Variants in ITGB4 observed in about 807,000 individuals in gnomAD.
ITGB4 encodes the protein integrin beta-4.
In ITGB4, 159 loss-of-function variants were observed where a neutral mutation model predicts 207.6. The observed-to-expected ratio is 0.77, with a 90% CI of 0.67 to 0.87. The LOEUF is 0.87. Ranked by LOEUF, ITGB4 falls within the 40% of genes least tolerant of loss-of-function variation. The pLI, the probability that ITGB4 is intolerant of heterozygous loss-of-function variation, is 0.00. For missense variants in ITGB4, 2,278 were observed against 2,546.8 expected (o/e 0.89, Z 2.27); for synonymous variants, 1,020 against 1,062.7 (o/e 0.96, Z 0.78).
chr17:75,747,859 G>A (rs2061267054), intron 26 of ITGB4, among the ~76,000 whole-genome samples: 1 of 152,160 alleles, frequency 6.6e-6, no homozygotes, highest in African/African-American at 2.4e-5. Context: ...TTGCTTGCAG[G>A]CAGCTCCCTG....
chr17:75,743,458 C>T (rs1457960646), intron 25 of ITGB4, among the ~76,000 whole-genome samples: 2 of 152,220 alleles, frequency 1.3e-5, no homozygotes, highest in East Asian at 3.8e-4. Context: ...GTCTCGAACT[C>T]CTGACCTCAG....
chr17:75,748,529 G>A (rs535089758), intron 26 of ITGB4, among the ~76,000 whole-genome samples: 263 of 151,906 alleles, frequency 1.7e-3, no homozygotes, highest in Non-Finnish European at 3.3e-3. Flanking sequence ...AATTAGCTAG[G>A]CGTGGTGGCA....
At chr17:75,730,051 G>C (rs1222750134) in intron 7 of ITGB4, among the ~76,000 whole-genome samples, 190 bp from the exon 8 acceptor site, 2 of 152,250 alleles carry the variant, frequency 1.3e-5, no homozygotes, top group Non-Finnish European at 2.9e-5. Context: ...CGCATCTCCA[G>C]CTCCTGTTTC....
rs1306378435 is a variant in ITGB4 at position 75,740,663 on chromosome 17, C to G, written c.2551-130C>G. On this transcript the variant is annotated intron_variant, in intron 21 of 39. Transcript: ENST00000200181. This position sits in a 1 kb window ranked among gnomAD's most constrained non-coding sequence, Gnocchi z 5.9. Reference sequence around the variant, plus strand: ...AGAGCCTGGGCCCAGGATGCTGCCCCACGGGGCATGCCCCAGCCAACCCTG... The same window carrying G: ...AGAGCCTGGGCCCAGGATGCTGCCCGACGGGGCATGCCCCAGCCAACCCTG... 4 of 1,134,070 alleles carry G rather than the reference C, an allele frequency of 3.5e-6. No individual in the cohort carries two copies. The highest frequency in any genetic ancestry group is 2.5e-5 in the South Asian group (2 of 79,162). The allele number at this position is 1,134,070 out of a possible 1,614,324, so 70.3% of individuals were successfully genotyped here.
At chr17:75,748,715 T>C in intron 26 of ITGB4, 126 bp from the exon 27 acceptor site, 1 of 686,184 alleles carries the variant, frequency 1.5e-6, no homozygotes, top group Non-Finnish European at 2.4e-6. Flanking sequence ...GAACCTCGTG[T>C]AAGTACTCCA....
intron 25 of ITGB4, among the ~76,000 whole-genome samples, chr17:75,743,053 G>A (rs987544529): frequency 1.1e-4 from 16 of 152,072 alleles, no homozygotes; most frequent in Non-Finnish European, 2.2e-4. Context: ...GGTTGGCCAA[G>A]GCATCACACC....
chr17:75,736,784 T>G (rs2060988534), intron 16 of ITGB4, 90 bp downstream of exon 16: 1 of 1,430,414 alleles, frequency 7.0e-7, no homozygotes, highest in Non-Finnish European at 9.6e-7. Context: ...GACGGGGGCT[T>G]GCAGTCTGGG....
At chr17:75,744,115 CTTTTTTTTTTT>C (rs759492811) in intron 26 of ITGB4, among the ~76,000 whole-genome samples, 6 of 110,944 alleles carry the variant, frequency 5.4e-5, no homozygotes, top group Admixed American at 1.9e-4. Context: ...AGGGCTCGCT[CTTTTTTTTTTT>C]TTTTTTTTTT....
chr17:75,734,129 T>G (rs1343621772), intron 13 of ITGB4, among the ~76,000 whole-genome samples: 2 of 66,402 alleles, frequency 3.0e-5, no homozygotes, highest in Non-Finnish European at 6.6e-5. Context: ...TTGCTGCTGT[T>G]TTTTTTTTTT....
rs956729797 is a variant in ITGB4 at position 75,740,138 on chromosome 17, A to G, written c.2446+67A>G. ...TCGGGCCCTCTGTTCCAGATCTGGG[A>G]TCACAGCATGCCTCTTCTCTGGGTG... is the stretch of plus-strand genomic sequence containing the variant. On this transcript the variant is annotated intron_variant, in intron 20 of 39. Transcript: ENST00000200181. The surrounding 1 kb of genome is among the most constrained non-coding windows in gnomAD (Gnocchi z 5.9). 1 of 1,497,896 alleles carries G rather than the reference A, an allele frequency of 6.7e-7. No individual in the cohort carries two copies. Among genetic ancestry groups the G allele is most frequent in the Non-Finnish European group, 9.0e-7 (1 of 1,105,422 alleles). 92.8% of individuals were successfully genotyped at this position (1,497,896 alleles called of 1,614,324 possible). A position where few individuals can be genotyped will look rare whatever the true frequency, so the allele number is the denominator to read the frequency against.
chr17:75,754,977 CACAG>C lies in ITGB4; in HGVS notation c.4558+166_4558+169del, dbSNP rs1007143069. 2.8e-5 allele frequency: 43 copies of C among 1,530,378 alleles called. No homozygotes were observed. In the Middle Eastern group the frequency reaches 1.7e-3, roughly 60 times the overall value. The allele number at this position is 1,530,378 out of a possible 1,614,324, so 94.8% of individuals were successfully genotyped here. On this transcript the variant is annotated intron_variant, in intron 34 of 39. Coordinates refer to ENST00000200181, the MANE Select transcript of ITGB4 (RefSeq NM_000213.5). ...ACGTGCACACGCATGCACACATGTA[CACAG>C]ACATGCATGCGCACACGTACACACA...
Position 75,742,724 on chromosome 17 carries a change from CCGCCGCCT to C in ITGB4, c.2926_2933del (p.Arg976GlyfsTer17). On this transcript the variant is annotated frameshift_variant, in exon 25 of 40. Coordinates refer to ENST00000200181, the MANE Select transcript of ITGB4 (RefSeq NM_000213.5). LOFTEE classifies it high-confidence loss of function. This position sits in a 1 kb window ranked among gnomAD's most constrained non-coding sequence, Gnocchi z 5.9. ...TGCCCGCAGGCACTGCCACCCTCGG[CCGCCGCCT>C]GGTAAACATCACCATCATCAAGGAG... is the stretch of plus-strand genomic sequence containing the variant. 1 of 1,612,848 alleles carries C rather than the reference CCGCCGCCT, an allele frequency of 6.2e-7. No homozygotes were observed. The highest frequency in any genetic ancestry group is 8.5e-7 in the Non-Finnish European group (1 of 1,180,012).
intron 26 of ITGB4, among the ~76,000 whole-genome samples, chr17:75,746,058 C>T (rs2061225979): frequency 1.3e-5 from 2 of 152,008 alleles, no homozygotes; most frequent in Admixed American, 1.3e-4. Context: ...TCCAATGTCC[C>T]CCCATAAAAA....
At chr17:75,748,135 C>T (rs1051874004) in intron 26 of ITGB4, among the ~76,000 whole-genome samples, 16 of 129,270 alleles carry the variant, frequency 1.2e-4, no homozygotes, top group Non-Finnish European at 2.4e-4. Flanking sequence ...CCAAGGTGGG[C>T]GGATCGCTTG....
chr17:75,754,709 A>G lies in ITGB4; in HGVS notation c.4452A>G (p.Thr1484=), dbSNP rs2061446877. 6.2e-7 allele frequency: 1 copy of G among 1,613,970 alleles called. No individual in the cohort carries two copies. The highest frequency in any genetic ancestry group is 1.3e-5 in the African/African-American group (1 of 74,912). Residue 1484 remains threonine, a synonymous_variant, in exon 34 of 40, where the codon ACA becomes ACG. Coordinates refer to ENST00000200181, the MANE Select transcript of ITGB4 (RefSeq NM_000213.5). Reference sequence around the variant, plus strand: ...ACGTGCCCCACCGCGTGCTAAGCACATCCTCCACCCTCACACGGGACTACA... The same window carrying G: ...ACGTGCCCCACCGCGTGCTAAGCACGTCCTCCACCCTCACACGGGACTACA... ...SPHVPHRVLS[T]SSTLTRDYNS...
chr17:75,740,231 G>A lies in ITGB4; in HGVS notation c.2447-127G>A, dbSNP rs2290458. 1.5e-5 allele frequency: 18 copies of A among 1,205,222 alleles called. No homozygotes were observed. The highest frequency in any genetic ancestry group is 2.0e-5 in the Admixed American group (1 of 50,160). 74.7% of individuals were successfully genotyped at this position (1,205,222 alleles called of 1,614,324 possible). A position where few individuals can be genotyped will look rare whatever the true frequency, so the allele number is the denominator to read the frequency against. On this transcript the variant is annotated intron_variant, in intron 20 of 39. Transcript: ENST00000200181. The surrounding 1 kb of genome is among the most constrained non-coding windows in gnomAD (Gnocchi z 5.9). ...GATGGTGCTATGAACCTCATGCCTC[G>A]GTGTGCGTGGCCTGCTGGCCAGGCA... is the stretch of plus-strand genomic sequence containing the variant.
At chr17:75,724,325 A>G (rs538619230) in intron 1 of ITGB4, among the ~76,000 whole-genome samples, 1 of 152,304 alleles carries the variant, frequency 6.6e-6, no homozygotes, top group South Asian at 2.1e-4. Flanking sequence ...TCATTGGATG[A>G]CCCTGTCATG....
In ITGB4 at chr17:75,756,426, C is replaced by A; in HGVS notation, c.4709-3C>A. 6.2e-7 allele frequency: 1 copy of A among 1,613,248 alleles called. No individual in the cohort carries two copies. Among genetic ancestry groups the A allele is most frequent in the Non-Finnish European group, 8.5e-7 (1 of 1,179,978 alleles). On this transcript the variant is annotated splice_polypyrimidine_tract_variant and splice_region_variant and intron_variant, in intron 35 of 39. Coordinates refer to ENST00000200181, the MANE Select transcript of ITGB4 (RefSeq NM_000213.5). ...ACTGTGTGCCCCCACCTGATCCCCC[C>A]AGGTGAGCTGCATCGGCTCAACATC...
At position 75,727,461 on chromosome 17, in the gene ITGB4, C is replaced by T. The variant is rs772790459; in HGVS notation, c.220C>T (p.Arg74Trp). The T allele has an allele frequency of 2.1e-5, 34 of 1,613,816 alleles. No homozygotes were observed. Among genetic ancestry groups the T allele is most frequent in the Admixed American group, 1.7e-4 (10 of 60,002 alleles). The change falls in exon 4 of 40, where the codon CGG becomes TGG. Residue 74 changes from arginine to tryptophan, a missense_variant. Physicochemically the swap from Arg to Trp is moderately radical, Grantham distance 101. Transcript: ENST00000200181. This position sits in a 1 kb window ranked among gnomAD's most constrained non-coding sequence, Gnocchi z 6.0. ...QAELLAAGCQ[R>W]ESIVVMESSF... Reference sequence around the variant, plus strand: ...GGAGCTGCTGGCCGCGGGCTGCCAGCGGGAGAGCATCGTGGTCATGGAGAG... The same window carrying T: ...GGAGCTGCTGGCCGCGGGCTGCCAGTGGGAGAGCATCGTGGTCATGGAGAG...
Sources: gnomAD v4.1 joint callset for allele counts (sites outside exome capture counted in the v4.1 genomes callset) on GRCh38, gnomAD v4.1.1 for gene constraint, Gnocchi (gnomAD v3.1) non-coding constraint, MANE v1.5 for transcripts, NCBI Gene and HGNC (gene_info 2026-07-23, HGNC 2026-07-21) for gene names.